Variants in ABI3BP observed in about 807,000 individuals in gnomAD.
ABI3BP encodes target of Nesh-SH3.
Under a neutral mutation model 268.6 loss-of-function variants are expected in ABI3BP, and 216 were observed. The observed-to-expected ratio is 0.80, with a 90% CI of 0.72 to 0.90. The LOEUF (loss-of-function observed/expected upper bound fraction) is 0.90, where lower values mean the gene tolerates loss of function less well. ABI3BP is among the 40% of genes least tolerant of loss of function. The pLI is 0.00. For missense variants in ABI3BP, 2,090 were observed against 2,182.4 expected, an observed-to-expected ratio of 0.96 and a Z score of 0.84; for synonymous variants, 730 against 730.0, an observed-to-expected ratio of 1.00 and a Z score of 0.00.
At chr3:100,881,519 T>C (rs930179575) in intron 6 of ABI3BP, among the ~76,000 whole-genome samples, 4 of 152,188 alleles carry the variant, frequency 2.6e-5, no homozygotes, top group African/African-American at 9.6e-5. Context: ...ACTTCAAATA[T>C]TGATTTTGTT....
At chr3:100,834,319 G>A (rs1285291609) in intron 29 of ABI3BP, among the ~76,000 whole-genome samples, 2 of 152,122 alleles carry the variant, frequency 1.3e-5, no homozygotes, top group East Asian at 3.8e-4. Flanking sequence ...ACACAGGTAA[G>A]TCATTTGTTT....
At position 100,864,819 on chromosome 3, in the gene ABI3BP, G is replaced by A. The variant is rs1449642928; in HGVS notation, c.1063+14C>T. ...TTTTGTTTTTTTAGAAAAAAAAAAAGTTCTTAGAATTACCCAGTGTTGTTT... is the reference window on the plus strand; with the variant it reads ...TTTTGTTTTTTTAGAAAAAAAAAAAATTCTTAGAATTACCCAGTGTTGTTT... On this transcript the variant is annotated intron_variant, in intron 11 of 67. Transcript: ENST00000471714. 1.3e-6 allele frequency: 2 copies of A among 1,550,252 alleles called. No homozygotes were observed. Among genetic ancestry groups the A allele is most frequent in the South Asian group, 1.2e-5 (1 of 80,616 alleles).
chr3:100,834,114 G>A (rs1450451416), intron 29 of ABI3BP, among the ~76,000 whole-genome samples: 2 of 152,126 alleles, frequency 1.3e-5, no homozygotes, highest in African/African-American at 4.8e-5. Context: ...AGGACTACAG[G>A]TGCACATCAC....
Position 100,941,081 on chromosome 3 carries a change from C to T in ABI3BP, c.80-14600G>A, listed in dbSNP as rs890313439. On this transcript the variant is annotated intron_variant, in intron 1 of 67. Coordinates refer to ENST00000471714, the MANE Select transcript of ABI3BP (RefSeq NM_001375547.2). The stretch of plus-strand genomic sequence containing the variant: ...AAAGCTATGGTAAAAGTCCCATAAG[C>T]CACATAGATAGCTGCCTCAGTGCCA... Among the ~76,000 whole-genome samples the T allele has an allele frequency of 4.0e-5, 6 of 150,902 alleles. No individual in the cohort carries two copies. In the South Asian group the frequency reaches 1.1e-3, roughly 26 times the overall value.
At chr3:100,856,153 C>G (rs2098937292) in intron 14 of ABI3BP, among the ~76,000 whole-genome samples, 2 of 152,290 alleles carry the variant, frequency 1.3e-5, no homozygotes, top group South Asian at 4.1e-4. Flanking sequence ...CAACACCTTA[C>G]AGGGCAGACA....
chr3:100,850,005 T>G (rs775220995), intron 17 of ABI3BP, 40 bp downstream of exon 17: 11 of 1,544,112 alleles, frequency 7.1e-6, no homozygotes, highest in South Asian at 4.7e-5. Flanking sequence ...ATTACCTGTT[T>G]CGTCAATGCA....
intron 1 of ABI3BP, among the ~76,000 whole-genome samples, chr3:100,975,921 C>T (rs1475609130): frequency 2.0e-5 from 3 of 152,160 alleles, no homozygotes; most frequent in Non-Finnish European, 4.4e-5. Flanking sequence ...ATCCAAGCAA[C>T]CCAGATCCTG....
intron 15 of ABI3BP, 38 bp downstream of exon 15, chr3:100,851,837 C>T (rs1386101459): frequency 1.3e-6 from 2 of 1,525,288 alleles, no homozygotes; most frequent in Non-Finnish European, 1.8e-6. Flanking sequence ...TGTTGGAACA[C>T]CTGGGATCCA....
intron 6 of ABI3BP, among the ~76,000 whole-genome samples, chr3:100,878,621 G>A (rs1408879436): frequency 6.6e-6 from 1 of 152,190 alleles, no homozygotes; most frequent in Non-Finnish European, 1.5e-5. Context: ...TCTCAGCTTT[G>A]CAGTTATATG....
In ABI3BP at chr3:100,749,835, T is replaced by G. The variant is rs2095226070; in HGVS notation, c.*660A>C. ...TATCTTTTGAAACAATATATTAGAC[T>G]CCATTTTTAGCTGAAATGAAATTTA... On this transcript the variant is annotated 3_prime_UTR_variant, in exon 68 of 68. Transcript: ENST00000471714. 2 of 396,942 alleles carry G rather than the reference T, an allele frequency of 5.0e-6. No homozygotes were observed. Among genetic ancestry groups the G allele is most frequent in the African/African-American group, 2.1e-5 (1 of 48,574 alleles). 24.6% of individuals were successfully genotyped at this position (396,942 alleles called of 1,614,324 possible). A position where few individuals can be genotyped will look rare whatever the true frequency, so the allele number is the denominator to read the frequency against.
chr3:100,815,849 G>A, intron 44 of ABI3BP, 63 bp downstream of exon 44: 1 of 1,224,086 alleles, frequency 8.2e-7, no homozygotes, highest in Non-Finnish European at 1.1e-6. Flanking sequence ...GGTCATGACA[G>A]TGCTCAAGTG....
At chr3:100,945,895 C>T (rs777492644) in intron 1 of ABI3BP, among the ~76,000 whole-genome samples, 9 of 152,066 alleles carry the variant, frequency 5.9e-5, no homozygotes, top group Admixed American at 1.3e-4. Context: ...TTAAGAAACT[C>T]CCAAACTTTT....
intron 2 of ABI3BP, among the ~76,000 whole-genome samples, chr3:100,907,757 C>A (rs1207670096): frequency 6.6e-6 from 1 of 151,932 alleles, no homozygotes. Context: ...GAATCTGGAT[C>A]TGACAGCACA....
At chr3:100,979,464 A>G (rs2088088443) in intron 1 of ABI3BP, among the ~76,000 whole-genome samples, 1 of 152,206 alleles carries the variant, frequency 6.6e-6, no homozygotes, top group Admixed American at 6.5e-5. Context: ...CCCTAGAAAG[A>G]GATATCCCTA....
intron 1 of ABI3BP, among the ~76,000 whole-genome samples, chr3:100,938,034 C>T (rs148816527): frequency 8.5e-5 from 13 of 152,076 alleles, no homozygotes; most frequent in African/African-American, 2.7e-4. Flanking sequence ...CCTTGGTAAA[C>T]GAACACAAGA....
intron 2 of ABI3BP, among the ~76,000 whole-genome samples, chr3:100,925,974 A>T (rs891444609): frequency 6.6e-6 from 1 of 152,128 alleles, no homozygotes. Context: ...ATCAAAAGAT[A>T]GTAAGGTACA....
At chr3:100,905,682 C>T (rs2053076400) in intron 2 of ABI3BP, among the ~76,000 whole-genome samples, 1 of 152,042 alleles carries the variant, frequency 6.6e-6, no homozygotes, top group South Asian at 2.1e-4. Context: ...AATGCATATG[C>T]ATATATGTAT....
intron 51 of ABI3BP, among the ~76,000 whole-genome samples, chr3:100,800,448 A>G (rs1461411046): frequency 1.3e-5 from 2 of 152,174 alleles, no homozygotes; most frequent in African/African-American, 2.4e-5. Flanking sequence ...TCATATGGCC[A>G]GGAATGTAGT....
chr3:100,890,197 TATTTCTATGTG>T (rs759577969), intron 4 of ABI3BP, among the ~76,000 whole-genome samples: 1 of 152,190 alleles, frequency 6.6e-6, no homozygotes, highest in Non-Finnish European at 1.5e-5. Flanking sequence ...GGAATGCTTT[TATTTCTATGTG>T]ATTAACTACT....
Sources: allele counts gnomAD v4.1 joint callset (sites outside exome capture counted in the v4.1 genomes callset), GRCh38; gene constraint gnomAD v4.1.1; transcripts MANE v1.5; gene names NCBI Gene and HGNC (gene_info 2026-07-23, HGNC 2026-07-21).